FOXP2: variants seen among roughly 807,000 people sequenced by gnomAD.
FOXP2 encodes forkhead box P2.
Under a neutral mutation model 115.8 loss-of-function variants are expected in FOXP2, and 12 were observed. That is an observed-to-expected ratio of 0.10 (90% CI 0.07 to 0.17). The LOEUF is 0.17. Among genes scored for constraint, FOXP2 ranks in the 10% least tolerant of loss-of-function variants. FOXP2 has a pLI of 1.00. For missense variants in FOXP2, 629 were observed against 843.5 expected (o/e 0.75, Z 3.15); for synonymous variants, 328 against 297.7 (o/e 1.10, Z -1.05).
chr7:114,193,914 A>T (rs923369142), intron 1 of FOXP2, among the ~76,000 whole-genome samples: 1 of 152,162 alleles, frequency 6.6e-6, no homozygotes, highest in African/African-American at 2.4e-5. Flanking sequence ...GCTTCAATAC[A>T]TAAAACTTAG....
At chr7:114,592,787 A>G (rs1268660198) in intron 3 of FOXP2, among the ~76,000 whole-genome samples, 1 of 152,034 alleles carries the variant, frequency 6.6e-6, no homozygotes, top group East Asian at 1.9e-4. Flanking sequence ...TAAAATTGGC[A>G]TCTTTTTACA....
chr7:114,601,404 C>T (rs969470317), intron 3 of FOXP2, among the ~76,000 whole-genome samples: 41 of 152,090 alleles, frequency 2.7e-4, no homozygotes, highest in African/African-American at 9.2e-4. Flanking sequence ...TAGATTTTCT[C>T]GTATGTTAAT....
At chr7:114,568,433 T>TTG (rs1554420963) in intron 3 of FOXP2, among the ~76,000 whole-genome samples, 7 of 146,934 alleles carry the variant, frequency 4.8e-5, no homozygotes, top group Non-Finnish European at 9.0e-5. Flanking sequence ...GGTTTTTTTT[T>TTG]GGGGGGGGGT....
chr7:114,230,895 G>A (rs1043715552), intron 1 of FOXP2, among the ~76,000 whole-genome samples: 3 of 150,904 alleles, frequency 2.0e-5, no homozygotes, highest in African/African-American at 7.3e-5. Flanking sequence ...GAAATAAAAG[G>A]CATACATAAT....
intron 2 of FOXP2, among the ~76,000 whole-genome samples, chr7:114,534,193 G>C (rs1799267383): frequency 6.6e-6 from 1 of 151,820 alleles, no homozygotes; most frequent in Admixed American, 6.6e-5. Flanking sequence ...ATGTTGATTT[G>C]TCAAATTTAA....
chr7:114,179,660 C>T lies in FOXP2; in HGVS notation c.-102+16572C>T, dbSNP rs112006630. The stretch of plus-strand genomic sequence containing the variant: ...TTGGAAGACTATGTTGAAAGGAATA[C>T]GAAGACTTTAAAATGGTTGAACAAT... On this transcript the variant is annotated intron_variant, in intron 1 of 17. Coordinates refer to the FOXP2 transcript ENST00000634411. 9.6e-3 allele frequency among the ~76,000 whole-genome samples: 1,459 copies of T among 152,002 alleles called. 31 individuals are homozygous for T. The highest frequency in any genetic ancestry group is 0.033 in the African/African-American group (1,385 of 41,500).
At chr7:114,386,828 C>CT (rs1231512435) in intron 2 of FOXP2, among the ~76,000 whole-genome samples, 1 of 152,140 alleles carries the variant, frequency 6.6e-6, no homozygotes, top group Non-Finnish European at 1.5e-5. Context: ...ATTTAGTTTT[C>CT]TTTTTTCATA....
intron 2 of FOXP2, among the ~76,000 whole-genome samples, chr7:114,353,619 C>T (rs1276696540): frequency 2.6e-5 from 4 of 152,152 alleles, no homozygotes; most frequent in Non-Finnish European, 4.4e-5. Context: ...TCTAATAGCA[C>T]TTTACTTCCT....
At chr7:114,286,760 G>C (rs902215635) in intron 1 of FOXP2, among the ~76,000 whole-genome samples, 3 of 151,972 alleles carry the variant, frequency 2.0e-5, no homozygotes, top group Admixed American at 1.3e-4. Flanking sequence ...AGTGGTTTCG[G>C]ATTATGCTCT....
At chr7:114,666,566 G>A (rs565549863) in intron 16 of FOXP2, 6 of 152,184 alleles carry the variant, frequency 3.9e-5, no homozygotes, top group Admixed American at 3.9e-4. Flanking sequence ...AAATACTTTG[G>A]AAATTAAACA....
chr7:114,630,374 G>A (rs1033786026), intron 5 of FOXP2, among the ~76,000 whole-genome samples: 1 of 152,146 alleles, frequency 6.6e-6, no homozygotes, highest in Non-Finnish European at 1.5e-5. Flanking sequence ...TTGGCCTATT[G>A]TTGGGGATAG....
chr7:114,417,829 A>G (rs1650152504), intron 1 of FOXP2, among the ~76,000 whole-genome samples: 1 of 151,954 alleles, frequency 6.6e-6, no homozygotes, highest in South Asian at 2.1e-4. Flanking sequence ...GAAACTGACA[A>G]ATGCATGCAT....
chr7:114,670,744 G>A (rs894275417), intron 16 of FOXP2, among the ~76,000 whole-genome samples: 2 of 151,794 alleles, frequency 1.3e-5, no homozygotes, highest in Non-Finnish European at 2.9e-5. Context: ...TACATCTTTG[G>A]TTGCTGATAT....
At chr7:114,196,917 C>T (rs1302180088) in intron 1 of FOXP2, among the ~76,000 whole-genome samples, 1 of 152,142 alleles carries the variant, frequency 6.6e-6, no homozygotes, top group Non-Finnish European at 1.5e-5. Context: ...TTGGGCTGGA[C>T]ATGGTTGCTC....
intron 2 of FOXP2, among the ~76,000 whole-genome samples, chr7:114,340,531 A>C (rs1791176952): frequency 6.6e-6 from 1 of 151,142 alleles, no homozygotes; most frequent in Non-Finnish European, 1.5e-5. Flanking sequence ...ATTTTAATTC[A>C]AACTTGCTAT....
intron 1 of FOXP2, among the ~76,000 whole-genome samples, chr7:114,104,678 T>C (rs1791068004): frequency 6.6e-6 from 1 of 152,042 alleles, no homozygotes; most frequent in South Asian, 2.1e-4. Flanking sequence ...GTAGTAAAAG[T>C]TAAAGTAAAC....
chr7:114,388,851 A>C (rs1034749959), intron 2 of FOXP2, among the ~76,000 whole-genome samples: 5 of 152,196 alleles, frequency 3.3e-5, no homozygotes, highest in Non-Finnish European at 7.4e-5. Flanking sequence ...CTAGATGGGA[A>C]TTGTCAGTAA....
At position 114,244,728 on chromosome 7, in the gene FOXP2, G is replaced by T. The variant is rs141956140; in HGVS notation, c.-101-43291G>T. Among the ~76,000 whole-genome samples, 729 of 151,844 alleles carry T rather than the reference G, an allele frequency of 4.8e-3. 6 individuals carry two copies. The highest frequency in any genetic ancestry group is 0.017 in the African/African-American group (693 of 41,424). ...CATGTTAAATACTTCCCAAACATTT[G>T]TGTTTCTGTTAGTTTTTCCTTGCAT... is the stretch of plus-strand genomic sequence containing the variant. On this transcript the variant is annotated intron_variant, in intron 1 of 17. Transcript: ENST00000634411.
intron 1 of FOXP2, among the ~76,000 whole-genome samples, chr7:114,207,898 C>T (rs1357091264): frequency 1.3e-5 from 2 of 152,204 alleles, no homozygotes; most frequent in African/African-American, 2.4e-5. Context: ...TGGTGGCTCA[C>T]GCCTATAATC....
Sources: gnomAD v4.1 joint callset for allele counts (sites outside exome capture counted in the v4.1 genomes callset) on GRCh38, gnomAD v4.1.1 for gene constraint, MANE v1.5 for transcripts, NCBI Gene and HGNC (gene_info 2026-07-23, HGNC 2026-07-21) for gene names.